The following TEX36 variants were observed in gnomAD, a reference collection of about 807,000 sequenced individuals.
TEX36 encodes testis expressed 36, also known as testis-expressed protein 36.
A neutral mutation model predicts 13.6 loss-of-function variants in TEX36; 12 were observed. That is an observed-to-expected ratio of 0.88 (90% CI 0.56 to 1.43). The LOEUF (loss-of-function observed/expected upper bound fraction) is 1.43, where lower values mean the gene tolerates loss of function less well. Among genes scored for constraint, TEX36 ranks in the 40% most tolerant of loss-of-function variants. The probability of loss-of-function intolerance (pLI) is 0.00; values close to 1 mark genes in which losing one functional copy is unlikely to be tolerated. For synonymous variants in TEX36, 93 were observed against 83.0 expected, an observed-to-expected ratio of 1.12 and a Z score of -0.65; for missense variants, 224 against 228.3, an observed-to-expected ratio of 0.98 and a Z score of 0.12.
chr10:125,652,714 A>G (rs1846878562), downstream of TEX36, among the ~76,000 whole-genome samples: 1 of 152,242 alleles, frequency 6.6e-6, no homozygotes, highest in South Asian at 2.1e-4. Context: ...ACAGAATGGG[A>G]GAAAATTTTT....
At chr10:125,593,114 G>T (rs960340002) in intron 3 of TEX36, among the ~76,000 whole-genome samples, 1 of 152,170 alleles carries the variant, frequency 6.6e-6, no homozygotes, top group Admixed American at 6.5e-5. Flanking sequence ...GGGAGGTGGG[G>T]CTAAAATTTC....
intron 3 of TEX36, among the ~76,000 whole-genome samples, chr10:125,613,113 C>T (rs1315789928): frequency 6.6e-6 from 1 of 151,634 alleles, no homozygotes; most frequent in Non-Finnish European, 1.5e-5. Context: ...TTGAGGTGCC[C>T]CGCCCGACTG....
At chr10:125,660,462 T>C (rs908932012) in intron 3 of TEX36, among the ~76,000 whole-genome samples, 2 of 152,228 alleles carry the variant, frequency 1.3e-5, no homozygotes, top group African/African-American at 4.8e-5. Flanking sequence ...CACCTGTTTC[T>C]TTGTACTTAA....
intron 3 of TEX36, among the ~76,000 whole-genome samples, chr10:125,626,931 G>A (rs1846497116): frequency 6.6e-6 from 1 of 152,178 alleles, no homozygotes; most frequent in Admixed American, 6.5e-5. Flanking sequence ...CTGGGGCCTG[G>A]GAAATGGAAG....
At chr10:125,680,216 A>G (rs1020282456) in intron 1 of TEX36, among the ~76,000 whole-genome samples, 1 of 152,172 alleles carries the variant, frequency 6.6e-6, no homozygotes, top group African/African-American at 2.4e-5. Context: ...CTGAGTCAAC[A>G]CTTCCCTCTC....
In TEX36 at chr10:125,667,806, C is replaced by T. The variant is rs116780741; in HGVS notation, c.52-5829G>A. 3,499 of 1,148,124 alleles carry T rather than the reference C, an allele frequency of 3.0e-3. 57 individuals carry two copies. The African/African-American group carries it at 0.037, about 12-fold the overall frequency. 71.1% of individuals were successfully genotyped at this position (1,148,124 alleles called of 1,614,324 possible). A position where few individuals can be genotyped will look rare whatever the true frequency, so the allele number is the denominator to read the frequency against. On this transcript the variant is annotated intron_variant, in intron 1 of 3. Coordinates refer to ENST00000368821, the MANE Select transcript of TEX36 (RefSeq NM_001128202.3). ...CGCCAGTTCTCTTTGGTGTTCTCGG[C>T]GTTAAGGGACTGCAGCCGCTTGGCA...
downstream of TEX36, among the ~76,000 whole-genome samples, chr10:125,653,511 T>A (rs1424088017): frequency 2.2e-5 from 3 of 136,600 alleles, no homozygotes; most frequent in African/African-American, 5.3e-5. Context: ...GGGGGAGGGA[T>A]AGCATTAGGA....
At chr10:125,592,699 C>A (rs1846035927) in intron 3 of TEX36, among the ~76,000 whole-genome samples, 1 of 152,144 alleles carries the variant, frequency 6.6e-6, no homozygotes, top group Non-Finnish European at 1.5e-5. Context: ...AGACCAGTCC[C>A]AAGCCCCAAC....
chr10:125,595,250 A>G lies in TEX36; in HGVS notation c.265-18376T>C, dbSNP rs537510677. ...GACAGGTGAGCTTTACCAGGCCTGC[A>G]AATAATAAATAGGTTGTCCCTCCCT... On this transcript the variant is annotated intron_variant, in intron 3 of 3. Transcript: ENST00000532135. 2.3e-3 allele frequency among the ~76,000 whole-genome samples: 357 copies of G among 152,278 alleles called. 1 individual carries two copies. The highest frequency in any genetic ancestry group is 8.3e-3 in the African/African-American group (345 of 41,560).
At chr10:125,648,327 C>G (rs553589351) in intron 3 of TEX36, among the ~76,000 whole-genome samples, 2 of 152,310 alleles carry the variant, frequency 1.3e-5, no homozygotes, top group African/African-American at 4.8e-5. Context: ...GATCAGGCAA[C>G]AACATTTGCC....
In TEX36 at chr10:125,628,688, C is replaced by G. The variant is rs191853136; in HGVS notation, c.265-7043G>C. 1.7e-3 allele frequency among the ~76,000 whole-genome samples: 266 copies of G among 152,330 alleles called. 1 individual carries two copies. The highest frequency in any genetic ancestry group is 3.2e-3 in the Non-Finnish European group (218 of 68,036). On this transcript the variant is annotated intron_variant, in intron 3 of 3. Coordinates refer to the TEX36 transcript ENST00000526819. ...CAGCTGGTAAAGAAGATGCAGTGTT[C>G]ATCTACCATCTCTGTTTTCAGAATC...
chr10:125,620,343 C>T (rs150116096), downstream of TEX36, among the ~76,000 whole-genome samples: 632 of 152,300 alleles, frequency 4.1e-3, 7 homozygotes, highest in African/African-American at 0.014. Context: ...ATGGCCTTTT[C>T]TTTGATTACT....
chr10:125,678,327 G>T (rs1442146731), intron 1 of TEX36, among the ~76,000 whole-genome samples: 2 of 152,118 alleles, frequency 1.3e-5, no homozygotes, highest in Non-Finnish European at 2.9e-5. Context: ...AGTGTGTTAG[G>T]GTGTGGTTAA....
intron 3 of TEX36, among the ~76,000 whole-genome samples, chr10:125,612,974 C>A (rs1354587882): frequency 6.6e-6 from 1 of 151,976 alleles, no homozygotes; most frequent in African/African-American, 2.4e-5. Flanking sequence ...AGGCAGCCAC[C>A]AGCCACCCCC....
chr10:125,605,443 T>C (rs58527559), intron 3 of TEX36, among the ~76,000 whole-genome samples: 34 of 128,516 alleles, frequency 2.6e-4, no homozygotes, highest in African/African-American at 1.5e-3. Flanking sequence ...TTAATCTCCA[T>C]ACACAGCATA....
At position 125,640,454 on chromosome 10, in the gene TEX36, G is replaced by C. The variant is rs138798240; in HGVS notation, c.265-18809C>G. 3.2e-4 allele frequency among the ~76,000 whole-genome samples: 49 copies of C among 152,272 alleles called. No homozygotes were observed. In the East Asian group the frequency reaches 6.2e-3, roughly 19 times the overall value. ...ATTTTATTCATTCCATTTATTCAGTGAGTCAGGCTCTGACAGGGGGTTGAT... is the reference window on the plus strand; with the variant it reads ...ATTTTATTCATTCCATTTATTCAGTCAGTCAGGCTCTGACAGGGGGTTGAT... On this transcript the variant is annotated intron_variant, in intron 3 of 3. Transcript: ENST00000526819.
rs1001091842 is a variant in TEX36 at position 125,655,699 on chromosome 10, G to A, written c.*201C>T. On this transcript the variant is annotated 3_prime_UTR_variant, in exon 4 of 4. Coordinates refer to ENST00000368821, the MANE Select transcript of TEX36 (RefSeq NM_001128202.3). Reference sequence around the variant, plus strand: ...TTTTTAAAACTCCCCAAAAGTAAATGTGGCCATCTGAAAAGTTTATTTACA... The same window carrying A: ...TTTTTAAAACTCCCCAAAAGTAAATATGGCCATCTGAAAAGTTTATTTACA... The A allele has an allele frequency of 1.9e-5, 24 of 1,255,798 alleles. No individual in the cohort carries two copies. Among genetic ancestry groups the A allele is most frequent in the Admixed American group, 3.9e-5 (1 of 25,936 alleles). 77.8% of individuals were successfully genotyped at this position (1,255,798 alleles called of 1,614,324 possible).
intron 3 of TEX36, among the ~76,000 whole-genome samples, chr10:125,586,531 C>T (rs931210691): frequency 1.3e-5 from 2 of 150,770 alleles, no homozygotes; most frequent in African/African-American, 4.9e-5. Context: ...GGCTCTTGCC[C>T]GTACTTCCAG....
At position 125,661,923 on chromosome 10, in the gene TEX36, A is replaced by T; in HGVS notation, c.106T>A (p.Ser36Thr). Residue 36 changes from serine (S) to threonine (T), a missense_variant, in exon 2 of 4, where the codon TCA (serine) becomes ACA (threonine). By Grantham distance (58) the Ser-to-Thr change is moderately conservative (BLOSUM62 1). Transcript: ENST00000368821. ...KTPESITSAT[S>T]KEPQSPHLPR... ...AAGTGTGGACTCTGGGGCTCTTTTG[A>T]CGTAGCACTGGTGATGGATTCTGGT... is the stretch of plus-strand genomic sequence containing the variant. 6.4e-7 allele frequency: 1 copy of T among 1,552,252 alleles called. No individual in the cohort carries two copies. Among genetic ancestry groups the T allele is most frequent in the Non-Finnish European group, 8.7e-7 (1 of 1,147,116 alleles).
Sources: allele counts gnomAD v4.1 joint callset (sites outside exome capture counted in the v4.1 genomes callset), GRCh38; gene constraint gnomAD v4.1.1; transcripts MANE v1.5; gene names NCBI Gene and HGNC (gene_info 2026-07-23, HGNC 2026-07-21).